The following GM2A variants were observed in gnomAD, a reference collection of about 807,000 sequenced individuals.
GM2A encodes ganglioside GM2 activator.
GM2A carries 7 observed loss-of-function variants against 12.9 expected under a neutral mutation model. The ratio of observed to expected loss-of-function variants is 0.54; its 90% CI spans 0.31 to 1.02. The LOEUF is 1.02. GM2A is among the 50% of genes least tolerant of loss of function. GM2A has a pLI of 0.05. For synonymous variants in GM2A, 101 were observed against 96.0 expected, an observed-to-expected ratio of 1.05 and a Z score of -0.30; for missense variants, 246 against 241.0, an observed-to-expected ratio of 1.02 and a Z score of -0.14.
chr5:151,267,274 C>T lies in GM2A; in HGVS notation c.427-22C>T, dbSNP rs183697013. 1.4e-3 allele frequency: 2,291 copies of T among 1,614,024 alleles called. 1 individual carries two copies. The highest frequency in any genetic ancestry group is 1.9e-3 in the Admixed American group (117 of 60,024). On this transcript the variant is annotated intron_variant, in intron 3 of 3. Transcript: ENST00000357164. ...CCATCAGTAGGCTCCCACTGACTGG[C>T]GGTCCACTGGCTTTCCCGCAGGGAA...
chr5:151,266,618 T>G, intron 2 of GM2A, 113 bp from the exon 3 acceptor site: 1 of 802,966 alleles, frequency 1.2e-6, no homozygotes, highest in Non-Finnish European at 2.1e-6. Flanking sequence ...CAGTTAAAAA[T>G]TCTATGATTA....
In GM2A at chr5:151,267,976, A is replaced by G. The variant is rs1753927416; in HGVS notation, c.*525A>G. Reference sequence around the variant, plus strand: ...TTTATTTCCTTTCTAGATTTGCCCAATTAATACTAGGGTGCAGTGTATCCT... The same window carrying G: ...TTTATTTCCTTTCTAGATTTGCCCAGTTAATACTAGGGTGCAGTGTATCCT... On this transcript the variant is annotated 3_prime_UTR_variant, in exon 4 of 4. Transcript: ENST00000357164. 1 of 1,120,726 alleles carries G rather than the reference A, an allele frequency of 8.9e-7. No individual in the cohort carries two copies. Among genetic ancestry groups the G allele is most frequent in the Non-Finnish European group, 1.1e-6 (1 of 910,172 alleles). The allele number at this position is 1,120,726 out of a possible 1,614,324, so 69.4% of individuals were successfully genotyped here.
chr5:151,259,681 T>C, intron 1 of GM2A, 74 bp from the exon 2 acceptor site: 1 of 1,454,054 alleles, frequency 6.9e-7, no homozygotes, highest in Non-Finnish European at 9.6e-7. Context: ...GAGCTCATTT[T>C]TCCTGTGATC....
At chr5:151,255,697 G>A (rs956622773) in intron 1 of GM2A, among the ~76,000 whole-genome samples, 4 of 152,220 alleles carry the variant, frequency 2.6e-5, no homozygotes, top group East Asian at 3.8e-4. Flanking sequence ...CTCTGCCCCC[G>A]AGGCAGAAAG....
In GM2A at chr5:151,269,887, T is replaced by G. The variant is rs1753974704; in HGVS notation, c.*2436T>G. 1 of 795,796 alleles carries G rather than the reference T, an allele frequency of 1.3e-6. No individual in the cohort carries two copies. The highest frequency in any genetic ancestry group is 1.6e-6 in the Non-Finnish European group (1 of 619,898). The allele number at this position is 795,796 out of a possible 1,614,324, so 49.3% of individuals were successfully genotyped here. A position where few individuals can be genotyped will look rare whatever the true frequency, so the allele number is the denominator to read the frequency against. On this transcript the variant is annotated 3_prime_UTR_variant, in exon 4 of 4. Transcript: ENST00000357164. ...TTTTTCAAACCTATACTGTTGTTGG[T>G]GAATTCTTTTTACCAACCCACGAGT...
chr5:151,263,515 G>A (rs1272092331), intron 2 of GM2A, among the ~76,000 whole-genome samples: 1 of 152,164 alleles, frequency 6.6e-6, no homozygotes, highest in Non-Finnish European at 1.5e-5. Flanking sequence ...AGGGTCTCAG[G>A]AAAGGTTGCA....
chr5:151,258,257 C>T (rs976589045), intron 1 of GM2A, among the ~76,000 whole-genome samples: 1 of 152,244 alleles, frequency 6.6e-6, no homozygotes, highest in African/African-American at 2.4e-5. Context: ...CTAATGGCTC[C>T]TTTAGTGAGC....
chr5:151,253,836 C>T (rs1465552389), intron 1 of GM2A, among the ~76,000 whole-genome samples: 3 of 152,112 alleles, frequency 2.0e-5, no homozygotes, highest in African/African-American at 7.2e-5. Context: ...GTCCCCGTAC[C>T]CTCCAAGCTT....
intron 3 of GM2A, 100 bp from the exon 4 acceptor site, chr5:151,267,196 G>C: frequency 6.9e-7 from 1 of 1,458,012 alleles, no homozygotes; most frequent in Non-Finnish European, 9.5e-7. Context: ...AGAATGGGAA[G>C]AGGGGTGGTA....
intron 2 of GM2A, among the ~76,000 whole-genome samples, chr5:151,265,285 A>C (rs1457156862): frequency 6.6e-6 from 1 of 152,150 alleles, no homozygotes; most frequent in African/African-American, 2.4e-5. Flanking sequence ...GGCCTGGAGG[A>C]AGGCAGCTAA....
In GM2A at chr5:151,269,807, C is replaced by T. The variant is rs1041520712; in HGVS notation, c.*2356C>T. 1 of 206,712 alleles carries T rather than the reference C, an allele frequency of 4.8e-6. No individual in the cohort carries two copies. The highest frequency in any genetic ancestry group is 2.3e-5 in the African/African-American group (1 of 42,832). 12.8% of individuals were successfully genotyped at this position (206,712 alleles called of 1,614,324 possible). On this transcript the variant is annotated 3_prime_UTR_variant, in exon 4 of 4. Transcript: ENST00000357164. ...AAAATCCACCGTGGTACATTCAGTCCTCTCACCGAGGTGCCCCATGGCAGT... is the reference window on the plus strand; with the variant it reads ...AAAATCCACCGTGGTACATTCAGTCTTCTCACCGAGGTGCCCCATGGCAGT...
At position 151,268,901 on chromosome 5, in the gene GM2A, T is replaced by G; in HGVS notation, c.*1450T>G. On this transcript the variant is annotated 3_prime_UTR_variant, in exon 4 of 4. Coordinates refer to ENST00000357164, the MANE Select transcript of GM2A (RefSeq NM_000405.5). ...AAGACAACTCCTGTGGCACCGTTTC[T>G]CCCTCCACAGGGCCAAAGCCATAGT... 1.0e-6 allele frequency: 1 copy of G among 985,426 alleles called. No homozygotes were observed. Among genetic ancestry groups the G allele is most frequent in the South Asian group, 4.7e-5 (1 of 21,284 alleles). 61.0% of individuals were successfully genotyped at this position (985,426 alleles called of 1,614,324 possible).
At chr5:151,263,067 G>T in intron 2 of GM2A, among the ~76,000 whole-genome samples, 1 of 148,854 alleles carries the variant, frequency 6.7e-6, no homozygotes, top group African/African-American at 2.5e-5. Flanking sequence ...GATCCCCTCT[G>T]CTCCTTCTTT....
Position 151,268,139 on chromosome 5 carries a change from CA to C in GM2A, c.*689del, listed in dbSNP as rs1420516813. 1.0e-6 allele frequency: 1 copy of C among 979,322 alleles called. No individual in the cohort carries two copies. The highest frequency in any genetic ancestry group is 1.8e-5 in the African/African-American group (1 of 54,872). The allele number at this position is 979,322 out of a possible 1,614,324, so 60.7% of individuals were successfully genotyped here. Reference sequence around the variant, plus strand: ...AGAACCGTGAGAAACATGTTGCTTCCAGGCTTGATTTCGATTTTTCGCTTTT... The same window carrying C: ...AGAACCGTGAGAAACATGTTGCTTCCGGCTTGATTTCGATTTTTCGCTTTT... On this transcript the variant is annotated 3_prime_UTR_variant, in exon 4 of 4. Transcript: ENST00000357164.
At position 151,253,243 on chromosome 5, in the gene GM2A, C is replaced by G. The variant is rs760185979; in HGVS notation, c.27C>G (p.Leu9=). The G allele has an allele frequency of 6.2e-7, 1 of 1,614,082 alleles. No homozygotes were observed. The highest frequency in any genetic ancestry group is 1.1e-5 in the South Asian group (1 of 91,086). The part of the protein sequence containing the change: MQSLMQAP[L]LIALGLLLAA... ...TGCAGTCCCTGATGCAGGCTCCCCTCCTGATCGCCCTGGGCTTGCTTCTCG... is the reference window on the plus strand; with the variant it reads ...TGCAGTCCCTGATGCAGGCTCCCCTGCTGATCGCCCTGGGCTTGCTTCTCG... Residue 9 remains leucine (L), a synonymous_variant, in exon 1 of 4, where the codon CTC becomes CTG. Coordinates refer to ENST00000357164, the MANE Select transcript of GM2A (RefSeq NM_000405.5).
At chr5:151,256,148 A>G (rs1753681234) in intron 1 of GM2A, among the ~76,000 whole-genome samples, 2 of 152,084 alleles carry the variant, frequency 1.3e-5, no homozygotes, top group Admixed American at 6.6e-5. Context: ...GTTAGATAAC[A>G]GGGGAGGATA....
chr5:151,264,963 CAGAGTGAGACTCTGTCTCAAAAAA>C (rs1288043552), intron 2 of GM2A, among the ~76,000 whole-genome samples: 2 of 150,096 alleles, frequency 1.3e-5, no homozygotes, highest in African/African-American at 4.9e-5. Flanking sequence ...GCCTAGGTGA[CAGAGTGAGACTCTGTCTCAAAAAA>C]AAAAAAAGAA....
chr5:151,253,412 A>C (rs887588562), intron 1 of GM2A, 115 bp downstream of exon 1: 1 of 747,504 alleles, frequency 1.3e-6, no homozygotes. Context: ...GGTTCTCTGC[A>C]CTAGAGCCTT....
intron 2 of GM2A, among the ~76,000 whole-genome samples, chr5:151,263,545 G>T (rs1753835127): frequency 1.3e-5 from 2 of 152,188 alleles, no homozygotes; most frequent in South Asian, 4.1e-4. Context: ...AGGTCACAAA[G>T]CTAGTTGTTA....
Sources: gnomAD v4.1 joint callset for allele counts (sites outside exome capture counted in the v4.1 genomes callset) on GRCh38, gnomAD v4.1.1 for gene constraint, MANE v1.5 for transcripts, NCBI Gene and HGNC (gene_info 2026-07-23, HGNC 2026-07-21) for gene names.